The following BCL6 variants were observed in gnomAD, a reference collection of about 807,000 sequenced individuals.
BCL6 encodes the protein B-cell lymphoma 6 protein.
A neutral mutation model predicts 59.5 loss-of-function variants in BCL6; 7 were observed. The observed-to-expected ratio is 0.12, with a 90% CI of 0.07 to 0.22. The LOEUF (loss-of-function observed/expected upper bound fraction) is 0.22, where lower values mean the gene tolerates loss of function less well. Among genes scored for constraint, BCL6 ranks in the 10% least tolerant of loss-of-function variants. The pLI is 1.00. For synonymous variants in BCL6, 339 were observed against 349.7 expected (o/e 0.97, Z 0.34); for missense variants, 685 against 939.4 (o/e 0.73, Z 3.54).
rs550913175 is a variant in BCL6, at chr3:187,729,460, A to G, written c.945T>C (p.His315=). ...RPSSEDEIAL[H]FEPPNAPLNR... ...TCAGGGGTGCATTGGGGGGCTCGAAATGCAGGGCAATCTCATCTTCCGAGG... is the reference window on the plus strand; with the variant it reads ...TCAGGGGTGCATTGGGGGGCTCGAAGTGCAGGGCAATCTCATCTTCCGAGG... Residue 315 remains histidine (H), a synonymous_variant, in exon 5 of 10, where the codon CAT becomes CAC. Coordinates refer to ENST00000406870, the MANE Select transcript of BCL6 (RefSeq NM_001706.5). The surrounding 1 kb of genome is among the most constrained non-coding windows in gnomAD (Gnocchi z 5.6). 2.4e-5 allele frequency: 39 copies of G among 1,610,366 alleles called. No homozygotes were observed. The highest frequency in any genetic ancestry group is 3.2e-5 in the Non-Finnish European group (38 of 1,177,824).
chr3:187,735,373 C>T (rs1719240008), intron 1 of BCL6, among the ~76,000 whole-genome samples: 1 of 152,174 alleles, frequency 6.6e-6, no homozygotes, highest in African/African-American at 2.4e-5. Flanking sequence ...GACGATAGGG[C>T]CAATATCTTT....
At position 187,733,686 on chromosome 3, in the gene BCL6, G is replaced by C; in HGVS notation, c.8C>G (p.Ser3Trp). Residue 3 changes from serine (S) to tryptophan (W), a missense_variant, in exon 3 of 10, where the codon TCG becomes TGG. By Grantham distance (177) the Ser-to-Trp change is radical. This residue lies in a region of BCL6 where 102 missense variants were observed against 176.6 expected (regional missense o/e 0.58). Transcript: ENST00000406870. MA[S>W]PADSCIQFTR... ...GAACTGGATACAGCTGTCAGCCGGC[G>C]AGGCCATTTTGTCTTCACTTGAAAA... is the stretch of plus-strand genomic sequence containing the variant. 6.2e-7 allele frequency: 1 copy of C among 1,613,994 alleles called. No individual in the cohort carries two copies. The highest frequency in any genetic ancestry group is 8.5e-7 in the Non-Finnish European group (1 of 1,179,950).
At chr3:187,740,928 G>T (rs905311069) in intron 1 of BCL6, among the ~76,000 whole-genome samples, 2 of 152,234 alleles carry the variant, frequency 1.3e-5, no homozygotes, top group Admixed American at 6.5e-5. Flanking sequence ...CCCCATTGGA[G>T]GGTGCCCTCC....
chr3:187,733,400 T>C (rs1719138892), intron 3 of BCL6, 133 bp downstream of exon 3: 1 of 1,044,522 alleles, frequency 9.6e-7, no homozygotes, highest in African/African-American at 1.6e-5. Context: ...TGCCACGCCA[T>C]GGTGCTGAGA....
intron 1 of BCL6, among the ~76,000 whole-genome samples, chr3:187,743,658 C>T (rs1255556868): frequency 1.3e-5 from 2 of 152,230 alleles, no homozygotes; most frequent in African/African-American, 2.4e-5. Context: ...CAACGCAACC[C>T]ACAGTTCTCA....
rs761661978 is a variant in BCL6, at chr3:187,729,937, G to A, written c.468C>T (p.Ala156=). The A allele has an allele frequency of 4.3e-6, 7 of 1,613,818 alleles. No homozygotes were observed. Among genetic ancestry groups the A allele is most frequent in the Non-Finnish European group, 5.9e-6 (7 of 1,179,866 alleles). The change falls in exon 5 of 10, where the codon GCC becomes GCT. Residue 156 remains alanine (A), a synonymous_variant. Transcript: ENST00000406870. This position sits in a 1 kb window ranked among gnomAD's most constrained non-coding sequence, Gnocchi z 5.6. ...SRMLMPQDIM[A]YRGREVVENN... ...TCTCCACCACCTCACGACCCCGATAGGCCATGATGTCTTGGGGCATCAGCA... is the reference window on the plus strand; with the variant it reads ...TCTCCACCACCTCACGACCCCGATAAGCCATGATGTCTTGGGGCATCAGCA...
chr3:187,733,383 C>G lies in BCL6; in HGVS notation c.161+150G>C, dbSNP rs548996822. The stretch of plus-strand genomic sequence containing the variant: ...ATTCATTCATTCATTCACTTGGGAG[C>G]CTACTGTGCCACGCCATGGTGCTGA... On this transcript the variant is annotated intron_variant, in intron 3 of 9. Transcript: ENST00000406870. 4.6e-4 allele frequency: 386 copies of G among 839,714 alleles called. No homozygotes were observed. In the African/African-American group the frequency reaches 6.0e-3, roughly 13 times the overall value. The allele number at this position is 839,714 out of a possible 1,614,324, so 52.0% of individuals were successfully genotyped here.
chr3:187,732,007 C>T, intron 3 of BCL6, 77 bp from the exon 4 acceptor site: 1 of 1,250,480 alleles, frequency 8.0e-7, no homozygotes, highest in Non-Finnish European at 1.1e-6. Context: ...TGATACTCAG[C>T]CCCTTTCCCC....
At chr3:187,727,422 G>A (rs34967912) in intron 6 of BCL6, among the ~76,000 whole-genome samples, 10,414 of 152,252 alleles carry the variant, frequency 0.068, 377 homozygotes, top group East Asian at 0.092. Context: ...GTAAGATATA[G>A]GTCAAATTCA....
At chr3:187,734,193 A>C (rs6797425) in intron 2 of BCL6, among the ~76,000 whole-genome samples, 21,680 of 152,150 alleles carry the variant, frequency 0.14, 1,777 homozygotes, top group African/African-American at 0.22. Context: ...GGTGCCTGCC[A>C]CCATGCCCAG....
intron 1 of BCL6, among the ~76,000 whole-genome samples, chr3:187,739,010 C>T (rs1203019363): frequency 6.6e-6 from 1 of 152,196 alleles, no homozygotes; most frequent in African/African-American, 2.4e-5. Flanking sequence ...GAGAGCCCTC[C>T]ATCAAGGTTT....
intron 1 of BCL6, among the ~76,000 whole-genome samples, chr3:187,744,709 C>T: frequency 6.6e-6 from 1 of 152,226 alleles, no homozygotes; most frequent in African/African-American, 2.4e-5. Context: ...AGCGGGCAGC[C>T]TCCCTTTTTG....
chr3:187,724,121 A>C (rs1405337306), intron 9 of BCL6, among the ~76,000 whole-genome samples: 2 of 152,214 alleles, frequency 1.3e-5, no homozygotes, highest in Admixed American at 1.3e-4. Flanking sequence ...TTAACCATTC[A>C]TTGATTACTT....
At chr3:187,744,166 T>A (rs996543735) in intron 1 of BCL6, among the ~76,000 whole-genome samples, 3 of 152,266 alleles carry the variant, frequency 2.0e-5, no homozygotes, top group Admixed American at 6.5e-5. Flanking sequence ...GCAACAGCCA[T>A]TGGGAGCCAA....
Position 187,729,967 on chromosome 3 carries a change from G to A in BCL6, c.438C>T (p.Ser146=). The change falls in exon 5 of 10, where the codon AGC becomes AGT. Residue 146 remains serine, a synonymous_variant. Transcript: ENST00000406870. This position sits in a 1 kb window ranked among gnomAD's most constrained non-coding sequence, Gnocchi z 5.6. ...IKPPREEFLN[S]RMLMPQDIMA... is the part of the protein sequence containing the mutation. ...TGATGTCTTGGGGCATCAGCATCCG[G>A]CTGTTGAGGAACTCTTCACGAGGAG... 6.2e-7 allele frequency: 1 copy of A among 1,607,502 alleles called. No individual in the cohort carries two copies. The highest frequency in any genetic ancestry group is 8.5e-7 in the Non-Finnish European group (1 of 1,176,288).
intron 1 of BCL6, among the ~76,000 whole-genome samples, chr3:187,744,817 G>A (rs570678317): frequency 6.6e-6 from 1 of 152,160 alleles, no homozygotes; most frequent in East Asian, 1.9e-4. Context: ...ACGGAGCAAG[G>A]AAAGCAGTTT....
At chr3:187,745,026 T>A (rs1576886136) in intron 1 of BCL6, among the ~76,000 whole-genome samples, 1 of 149,190 alleles carries the variant, frequency 6.7e-6, no homozygotes, top group South Asian at 2.1e-4. Flanking sequence ...CTAATTCCCC[T>A]CCTTCCTCTC....
chr3:187,729,482 G>A lies in BCL6; in HGVS notation c.923C>T (p.Ser308Leu), dbSNP rs369445234. Residue 308 changes from serine (S) to leucine (L), a missense_variant, in exon 5 of 10, where the codon TCG becomes TTG. Ser to Leu is a moderately radical substitution (Grantham distance 145, BLOSUM62 -2). Transcript: ENST00000406870. This position sits in a 1 kb window ranked among gnomAD's most constrained non-coding sequence, Gnocchi z 5.6. ...GAAATGCAGGGCAATCTCATCTTCC[G>A]AGGAGGGTCTCTCTTCTTCTTTGCT... ...KASKEEERPSSEDEIALHFEP... is the reference protein window; with the variant it reads ...KASKEEERPSLEDEIALHFEP... 3.6e-5 allele frequency: 58 copies of A among 1,612,520 alleles called. No homozygotes were observed. The highest frequency in any genetic ancestry group is 8.3e-5 in the Admixed American group (5 of 59,920).
Position 187,724,936 on chromosome 3 carries a change from C to T in BCL6, c.1977+5G>A. 6.2e-7 allele frequency: 1 copy of T among 1,613,828 alleles called. No homozygotes were observed. The highest frequency in any genetic ancestry group is 2.2e-5 in the East Asian group (1 of 44,862). ...TCAGAGAGCGGCCTCAAGAGGCTTA[C>T]GTACATGGTAAGGTTTCTCTCCTGT... On this transcript the variant is annotated splice_donor_5th_base_variant and intron_variant, in intron 9 of 9. Coordinates refer to ENST00000406870, the MANE Select transcript of BCL6 (RefSeq NM_001706.5).
Sources: gnomAD v4.1 joint callset for allele counts (sites outside exome capture counted in the v4.1 genomes callset) on GRCh38, gnomAD v4.1.1 for gene constraint, gnomAD v4.1.1 regional missense constraint, Gnocchi (gnomAD v3.1) non-coding constraint, MANE v1.5 for transcripts, NCBI Gene and HGNC (gene_info 2026-07-23, HGNC 2026-07-21) for gene names.